Variants in ANO6 observed in about 807,000 individuals in gnomAD.
ANO6 encodes the protein anoctamin-6.
In ANO6, 106 loss-of-function variants were observed where a neutral mutation model predicts 117.5. The ratio of observed to expected loss-of-function variants is 0.90; its 90% CI spans 0.77 to 1.06. The LOEUF (loss-of-function observed/expected upper bound fraction) is 1.06. Among genes scored for constraint, ANO6 ranks in the 50% least tolerant of loss-of-function variants. The probability of loss-of-function intolerance (pLI) is 0.00; values close to 1 mark genes in which losing one functional copy is unlikely to be tolerated. For synonymous variants in ANO6, 367 were observed against 385.1 expected, an observed-to-expected ratio of 0.95 and a Z score of 0.55; for missense variants, 955 against 1,121.1, an observed-to-expected ratio of 0.85 and a Z score of 2.12.
Position 45,402,280 on chromosome 12 carries a change from A to G in ANO6, c.1612+260A>G, listed in dbSNP as rs543210188. On this transcript the variant is annotated intron_variant, in intron 13 of 19. Transcript: ENST00000320560. ...AGTGCTGAATAATATTTTCAATTAC[A>G]TTAGATCATGTACTCTATTGTTGAA... is the stretch of plus-strand genomic sequence containing the variant. Among the ~76,000 whole-genome samples the G allele has an allele frequency of 4.6e-5, 7 of 152,318 alleles. No individual in the cohort carries two copies. The South Asian group carries it at 1.2e-3, about 27-fold the overall frequency.
At position 45,429,373 on chromosome 12, in the gene ANO6, A is replaced by C; in HGVS notation, c.*62A>C. On this transcript the variant is annotated 3_prime_UTR_variant, in exon 20 of 20. Coordinates refer to ENST00000320560, the MANE Select transcript of ANO6 (RefSeq NM_001025356.3). ...GCTTTGTCAAAATATATTAGGAATC[A>C]CTAATGAGAATGTGTAAGTTAAATC... 6.3e-7 allele frequency: 1 copy of C among 1,576,824 alleles called. No individual in the cohort carries two copies. The highest frequency in any genetic ancestry group is 1.2e-5 in the South Asian group (1 of 86,326).
chr12:45,370,789 T>C (rs1941804193), intron 9 of ANO6, among the ~76,000 whole-genome samples: 1 of 152,228 alleles, frequency 6.6e-6, no homozygotes, highest in South Asian at 2.1e-4. Flanking sequence ...GAAAGGATTG[T>C]TCCCCAGAGC....
rs778484955 is a variant in ANO6, at chr12:45,416,871, G to A, written c.2184G>A (p.Met728Ile). The A allele has an allele frequency of 1.9e-6, 3 of 1,614,162 alleles. No individual in the cohort carries two copies. The highest frequency in any genetic ancestry group is 1.1e-5 in the South Asian group (1 of 91,082). Reference protein sequence around the residue: ...AQDIGAWQPIMQGIAILAVVT... With the variant: ...AQDIGAWQPIIQGIAILAVVT... ...ACATTGGAGCATGGCAGCCCATCAT[G>A]CAAGGAATAGCAATTCTGGCTGTGG... The change falls in exon 17 of 20, where the codon ATG (methionine) becomes ATA (isoleucine). Residue 728 changes from methionine to isoleucine, a missense_variant. Coordinates refer to ENST00000320560, the MANE Select transcript of ANO6 (RefSeq NM_001025356.3).
At chr12:45,254,961 A>G (rs1937758657) in intron 1 of ANO6, among the ~76,000 whole-genome samples, 1 of 152,216 alleles carries the variant, frequency 6.6e-6, no homozygotes, top group South Asian at 2.1e-4. Flanking sequence ...ATTTTAACTC[A>G]TATATTTTAT....
chr12:45,413,418 C>T (rs902264466), intron 16 of ANO6, among the ~76,000 whole-genome samples: 7 of 152,166 alleles, frequency 4.6e-5, no homozygotes, highest in Non-Finnish European at 7.3e-5. Flanking sequence ...CTAGGAAATG[C>T]CTAAGTGTTG....
At chr12:45,428,962 A>G in intron 19 of ANO6, 143 bp from the exon 20 acceptor site, 2 of 907,938 alleles carry the variant, frequency 2.2e-6, no homozygotes, top group Non-Finnish European at 3.4e-6. Flanking sequence ...GATTAGACAC[A>G]ATGGCATTAG....
chr12:45,243,395 G>A (rs1240388528), intron 1 of ANO6, among the ~76,000 whole-genome samples: 1 of 152,164 alleles, frequency 6.6e-6, no homozygotes, highest in Non-Finnish European at 1.5e-5. Flanking sequence ...CCTTGGCCAT[G>A]CATTCTAAAC....
chr12:45,322,002 C>T (rs1199382343), intron 2 of ANO6, among the ~76,000 whole-genome samples: 1 of 152,010 alleles, frequency 6.6e-6, no homozygotes, highest in Non-Finnish European at 1.5e-5. Flanking sequence ...CCTGGTAGTC[C>T]AGTCTGGTGC....
At chr12:45,360,133 T>C (rs1171021094) in intron 8 of ANO6, among the ~76,000 whole-genome samples, 2 of 152,248 alleles carry the variant, frequency 1.3e-5, no homozygotes, top group African/African-American at 4.8e-5. Context: ...GTTGTAAGCA[T>C]TTTTTATATA....
At chr12:45,294,792 T>C (rs1017714546) in intron 1 of ANO6, among the ~76,000 whole-genome samples, 1 of 152,222 alleles carries the variant, frequency 6.6e-6, no homozygotes, top group African/African-American at 2.4e-5. Flanking sequence ...TCCCTTTCTA[T>C]GCTTAAATTT....
At chr12:45,275,167 C>T (rs999135268) in intron 1 of ANO6, among the ~76,000 whole-genome samples, 6 of 152,006 alleles carry the variant, frequency 3.9e-5, no homozygotes, top group African/African-American at 9.6e-5. Context: ...CCCTTAGATC[C>T]GTCTCCATCT....
At chr12:45,419,294 A>G (rs951495417) in intron 17 of ANO6, among the ~76,000 whole-genome samples, 1 of 152,264 alleles carries the variant, frequency 6.6e-6, no homozygotes, top group Non-Finnish European at 1.5e-5. Flanking sequence ...GTATCTTGTC[A>G]GAAGACAATA....
chr12:45,361,568 T>A (rs1941555733), intron 8 of ANO6, among the ~76,000 whole-genome samples: 1 of 152,144 alleles, frequency 6.6e-6, no homozygotes, highest in South Asian at 2.1e-4. Context: ...ACCTCCAATA[T>A]AATGATCTTA....
At chr12:45,366,957 A>C (rs550991769) in intron 8 of ANO6, among the ~76,000 whole-genome samples, 1 of 152,208 alleles carries the variant, frequency 6.6e-6, no homozygotes, top group South Asian at 2.1e-4. Flanking sequence ...GCATCCAGCC[A>C]ACTTTACTGA....
At chr12:45,308,817 T>C (rs1039952727) in intron 2 of ANO6, among the ~76,000 whole-genome samples, 1 of 152,088 alleles carries the variant, frequency 6.6e-6, no homozygotes, top group African/African-American at 2.4e-5. Context: ...CCAGCATCAT[T>C]CAGACAGCAA....
intron 5 of ANO6, 83 bp from the exon 6 acceptor site, chr12:45,348,435 G>T: frequency 6.5e-7 from 1 of 1,546,832 alleles, no homozygotes; most frequent in Non-Finnish European, 8.9e-7. Flanking sequence ...TATGCCAGCA[G>T]ATTTGTGTTA....
At chr12:45,398,785 T>C (rs1942700705) in intron 12 of ANO6, among the ~76,000 whole-genome samples, 1 of 152,202 alleles carries the variant, frequency 6.6e-6, no homozygotes, top group African/African-American at 2.4e-5. Context: ...GTAAAGTGGT[T>C]TTAAATATGC....
At position 45,347,085 on chromosome 12, in the gene ANO6, T is replaced by G; in HGVS notation, c.343T>G (p.Ser115Ala). The G allele has an allele frequency of 6.2e-7, 1 of 1,614,020 alleles. No homozygotes were observed. ...CHGLQLEATR[S>A]VLDDKLVFVK... is the part of the protein sequence containing the mutation. ...TGGCCTGCAGTTAGAAGCAACAAGATCAGTAAGTACTGGTCCCTTTTCAGC... is the reference window on the plus strand; with the variant it reads ...TGGCCTGCAGTTAGAAGCAACAAGAGCAGTAAGTACTGGTCCCTTTTCAGC... Residue 115 changes from serine to alanine, a missense_variant and splice_region_variant, in exon 4 of 20, where the codon TCA becomes GCA. By Grantham distance (99) the Ser-to-Ala change is moderately conservative. Transcript: ENST00000320560.
At chr12:45,227,182 G>A (rs559295544) in intron 1 of ANO6, among the ~76,000 whole-genome samples, 25 of 151,916 alleles carry the variant, frequency 1.6e-4, no homozygotes, top group African/African-American at 5.8e-4. Context: ...TAGAGACAAG[G>A]TTTCACCATG....
Sources: allele counts gnomAD v4.1 joint callset (sites outside exome capture counted in the v4.1 genomes callset), GRCh38; gene constraint gnomAD v4.1.1; transcripts MANE v1.5; gene names NCBI Gene and HGNC (gene_info 2026-07-23, HGNC 2026-07-21).